Variants in PGAP1 observed in about 807,000 individuals in gnomAD.
PGAP1 encodes the protein GPI inositol-deacylase.
PGAP1 carries 76 observed loss-of-function variants against 127.0 expected under a neutral mutation model. The ratio of observed to expected loss-of-function variants is 0.60; its 90% CI spans 0.50 to 0.72. PGAP1 has a LOEUF of 0.72. Among genes scored for constraint, PGAP1 ranks in the 30% least tolerant of loss-of-function variants. The probability of loss-of-function intolerance (pLI) is 0.00; values close to 1 mark genes in which losing one functional copy is unlikely to be tolerated. For synonymous variants in PGAP1, 362 were observed against 366.5 expected (o/e 0.99, Z 0.14); for missense variants, 982 against 1,071.3 (o/e 0.92, Z 1.16).
At chr2:196,919,933 G>A (rs564514883) in intron 2 of PGAP1, 64 bp downstream of exon 2, 1 of 1,494,270 alleles carries the variant, frequency 6.7e-7, no homozygotes, top group African/African-American at 1.4e-5. Flanking sequence ...ACCGAGTATG[G>A]ATATGATTCA....
chr2:196,860,368 C>T lies in PGAP1; in HGVS notation c.1861+4619G>A, dbSNP rs533977018. Among the ~76,000 whole-genome samples, 21 of 152,084 alleles carry T rather than the reference C, an allele frequency of 1.4e-4. No individual in the cohort carries two copies. The South Asian group carries it at 3.3e-3, about 24-fold the overall frequency. On this transcript the variant is annotated intron_variant, in intron 20 of 26. Coordinates refer to ENST00000354764, the MANE Select transcript of PGAP1 (RefSeq NM_024989.4). ...CCAACATGGTGAAACCCCATCTCTACTAGAAATACAAAAAAATTAGCTGGG... is the reference window on the plus strand; with the variant it reads ...CCAACATGGTGAAACCCCATCTCTATTAGAAATACAAAAAAATTAGCTGGG...
Position 196,919,982 on chromosome 2 carries a change from T to G in PGAP1, c.301+15A>C, listed in dbSNP as rs926876742. 1 of 1,585,972 alleles carries G rather than the reference T, an allele frequency of 6.3e-7. No homozygotes were observed. Among genetic ancestry groups the G allele is most frequent in the African/African-American group, 1.4e-5 (1 of 73,178 alleles). Reference sequence around the variant, plus strand: ...AATTTTATAGCTTTCAAAATTTACTTCCAGTAAGACTTACCTTGCTTATAA... The same window carrying G: ...AATTTTATAGCTTTCAAAATTTACTGCCAGTAAGACTTACCTTGCTTATAA... On this transcript the variant is annotated intron_variant, in intron 2 of 26. Transcript: ENST00000354764.
chr2:196,865,912 AC>A lies in PGAP1; in HGVS notation c.1768-833del, dbSNP rs560345721. Among the ~76,000 whole-genome samples, 18 of 152,310 alleles carry A rather than the reference AC, an allele frequency of 1.2e-4. No individual in the cohort carries two copies. The South Asian group carries it at 3.7e-3, about 32-fold the overall frequency. On this transcript the variant is annotated intron_variant, in intron 19 of 26. Transcript: ENST00000354764. ...AATAAAATACCTAGGAATACAACTTACAAGGGATATGAAGGACCTCTTCAAG... is the reference window on the plus strand; with the variant it reads ...AATAAAATACCTAGGAATACAACTTAAAGGGATATGAAGGACCTCTTCAAG...
rs543569058 is a variant in PGAP1 at position 196,839,423 on chromosome 2, T to G, written c.*1811A>C. 9.2e-5 allele frequency: 14 copies of G among 152,336 alleles called. No individual in the cohort carries two copies. Among genetic ancestry groups the G allele is most frequent in the African/African-American group, 3.4e-4 (14 of 41,568 alleles). The allele number at this position is 152,336 out of a possible 1,614,324, so 9.4% of individuals were successfully genotyped here. On this transcript the variant is annotated 3_prime_UTR_variant, in exon 27 of 27. Transcript: ENST00000354764. ...GACAAGTATATAATCTAATAAATTC[T>G]CTCTCTTTCCTCTCCAGCTGAAACA...
intron 17 of PGAP1, 79 bp downstream of exon 17, chr2:196,872,881 G>T (rs1048785778): frequency 2.0e-5 from 13 of 644,188 alleles, no homozygotes; most frequent in Admixed American, 6.1e-5. Context: ...AATAATTCAT[G>T]ATTTAAATAA....
intron 20 of PGAP1, among the ~76,000 whole-genome samples, chr2:196,849,678 G>A (rs1416395579): frequency 6.6e-6 from 1 of 152,104 alleles, no homozygotes; most frequent in Non-Finnish European, 1.5e-5. Context: ...AACACTAAAG[G>A]CAGACTTGAA....
At position 196,868,131 on chromosome 2, in the gene PGAP1, T is replaced by C. The variant is rs563224502; in HGVS notation, c.1767+2810A>G. On this transcript the variant is annotated intron_variant, in intron 19 of 26. Transcript: ENST00000354764. The stretch of plus-strand genomic sequence containing the variant: ...TTACTTTCCCTTCTCTCTATATATA[T>C]CCTCATCTGTAAAATGAGATAAACA... 2.6e-5 allele frequency among the ~76,000 whole-genome samples: 4 copies of C among 152,222 alleles called. No homozygotes were observed. The South Asian group carries it at 8.3e-4, about 32-fold the overall frequency.
Position 196,866,141 on chromosome 2 carries a change from C to CA in PGAP1, c.1768-1062dup, listed in dbSNP as rs555344893. 5.9e-5 allele frequency among the ~76,000 whole-genome samples: 9 copies of CA among 152,090 alleles called. No individual in the cohort carries two copies. In the South Asian group the frequency reaches 1.9e-3, roughly 32 times the overall value. The stretch of plus-strand genomic sequence containing the variant: ...AAAACTACTTTGTTTCATATGGAAC[C>CA]AAAAAAGAGCCAGCATAGCCAAGAC... On this transcript the variant is annotated intron_variant, in intron 19 of 26. Transcript: ENST00000354764.
At chr2:196,904,922 T>A (rs890292984) in intron 4 of PGAP1, among the ~76,000 whole-genome samples, 8 of 152,284 alleles carry the variant, frequency 5.3e-5, no homozygotes, top group Non-Finnish European at 8.8e-5. Flanking sequence ...AAAGGCAGTA[T>A]TTTCAACAAG....
At chr2:196,866,543 T>C (rs1576121601) in intron 19 of PGAP1, among the ~76,000 whole-genome samples, 1 of 152,152 alleles carries the variant, frequency 6.6e-6, no homozygotes, top group African/African-American at 2.4e-5. Flanking sequence ...GGCAATACCA[T>C]TCAGGACATA....
At position 196,887,621 on chromosome 2, in the gene PGAP1, A is replaced by T. The variant is rs138148023; in HGVS notation, c.1174-1741T>A. On this transcript the variant is annotated intron_variant, in intron 10 of 26. Coordinates refer to ENST00000354764, the MANE Select transcript of PGAP1 (RefSeq NM_024989.4). ...CAATGCTTTTATTCAACTGATACTTATAAAGTCCATTCTATGGCCAAGGAA... is the reference window on the plus strand; with the variant it reads ...CAATGCTTTTATTCAACTGATACTTTTAAAGTCCATTCTATGGCCAAGGAA... Among the ~76,000 whole-genome samples the T allele has an allele frequency of 2.1e-4, 32 of 152,356 alleles. No homozygotes were observed. In the East Asian group the frequency reaches 5.4e-3, roughly 26 times the overall value.
chr2:196,874,064 G>T (rs1310370290), intron 14 of PGAP1: 3 of 209,478 alleles, frequency 1.4e-5, no homozygotes, highest in Non-Finnish European at 2.9e-5. Flanking sequence ...AATGATATGG[G>T]TGATTCAGAA....
rs376604536 is a variant in PGAP1 at position 196,884,147 on chromosome 2, T to C, written c.1272+1277A>G. Among the ~76,000 whole-genome samples the C allele has an allele frequency of 6.6e-5, 10 of 152,236 alleles. No individual in the cohort carries two copies. In the East Asian group the frequency reaches 1.7e-3, roughly 26 times the overall value. Reference sequence around the variant, plus strand: ...AAAGTACATTTTATTGGGTTTTTAATAATTTATTTCTTCTTAATCTTTATA... The same window carrying C: ...AAAGTACATTTTATTGGGTTTTTAACAATTTATTTCTTCTTAATCTTTATA... On this transcript the variant is annotated intron_variant, in intron 12 of 26. Coordinates refer to ENST00000354764, the MANE Select transcript of PGAP1 (RefSeq NM_024989.4).
intron 20 of PGAP1, among the ~76,000 whole-genome samples, chr2:196,864,625 G>A (rs1701180014): frequency 6.6e-6 from 1 of 152,008 alleles, no homozygotes; most frequent in Non-Finnish European, 1.5e-5. Flanking sequence ...ATACAAAAGT[G>A]ACAAGCTAAG....
At chr2:196,893,870 T>A (rs1172322199) in intron 7 of PGAP1, among the ~76,000 whole-genome samples, 1 of 152,202 alleles carries the variant, frequency 6.6e-6, no homozygotes, top group East Asian at 1.9e-4. Context: ...ATAAAATCCA[T>A]TTGGTATTGA....
intron 20 of PGAP1, among the ~76,000 whole-genome samples, chr2:196,851,478 T>C (rs993029219): frequency 7.2e-5 from 11 of 152,170 alleles, no homozygotes; most frequent in African/African-American, 2.4e-4. Flanking sequence ...TTCCTTTACC[T>C]TCCTGAATAT....
chr2:196,894,852 C>A (rs1376090208), intron 7 of PGAP1, among the ~76,000 whole-genome samples: 3 of 152,084 alleles, frequency 2.0e-5, no homozygotes, highest in Non-Finnish European at 2.9e-5. Context: ...CTGGATTCCA[C>A]CATTCTTACT....
chr2:196,871,852 T>C (rs950114742), intron 18 of PGAP1, among the ~76,000 whole-genome samples: 6 of 152,110 alleles, frequency 3.9e-5, no homozygotes, highest in Non-Finnish European at 8.8e-5. Context: ...ACCACTGAAA[T>C]GAGTACTTTA....
At chr2:196,894,573 C>G (rs181304146) in intron 7 of PGAP1, among the ~76,000 whole-genome samples, 1 of 152,062 alleles carries the variant, frequency 6.6e-6, no homozygotes, top group Non-Finnish European at 1.5e-5. Flanking sequence ...GAGGCCAAGA[C>G]GGGTGGATCA....
Sources: gnomAD v4.1 joint callset for allele counts (sites outside exome capture counted in the v4.1 genomes callset) on GRCh38, gnomAD v4.1.1 for gene constraint, MANE v1.5 for transcripts, NCBI Gene and HGNC (gene_info 2026-07-23, HGNC 2026-07-21) for gene names.